The following PLXDC2 variants were observed in gnomAD, a reference collection of about 807,000 sequenced individuals.
PLXDC2 encodes plexin domain containing 2.
A neutral mutation model predicts 68.9 loss-of-function variants in PLXDC2; 40 were observed. That is an observed-to-expected ratio of 0.58 (90% CI 0.45 to 0.76). The LOEUF is 0.76. Ranked by LOEUF, PLXDC2 falls within the 30% of genes least tolerant of loss-of-function variation. The pLI is 0.00. For missense variants in PLXDC2, 644 were observed against 661.9 expected (o/e 0.97, Z 0.30); for synonymous variants, 243 against 234.2 (o/e 1.04, Z -0.34).
chr10:19,922,901 C>A (rs2131382268), intron 1 of PLXDC2, among the ~76,000 whole-genome samples: 1 of 152,242 alleles, frequency 6.6e-6, no homozygotes, highest in Middle Eastern at 3.4e-3. Flanking sequence ...GAAAAAATAA[C>A]TGAACTGTTG....
intron 1 of PLXDC2, among the ~76,000 whole-genome samples, chr10:19,934,268 G>C (rs1395466055): frequency 2.0e-5 from 3 of 152,178 alleles, no homozygotes; most frequent in African/African-American, 4.8e-5. Context: ...TAATGCTCAT[G>C]ACCATTCTTG....
In PLXDC2 at chr10:20,038,143, G is replaced by A. The variant is rs560040374; in HGVS notation, c.325-8726G>A. ...CCCAGCTACTCAGGAGGCTGAGGCA[G>A]GAGAATCGCTTGAACCTGGGAGATG... On this transcript the variant is annotated intron_variant, in intron 2 of 13. Coordinates refer to ENST00000377252, the MANE Select transcript of PLXDC2 (RefSeq NM_032812.9). 1.6e-4 allele frequency among the ~76,000 whole-genome samples: 25 copies of A among 152,160 alleles called. No homozygotes were observed. The South Asian group carries it at 5.2e-3, about 32-fold the overall frequency.
At chr10:20,095,602 A>G (rs1190381208) in intron 4 of PLXDC2, among the ~76,000 whole-genome samples, 1 of 152,124 alleles carries the variant, frequency 6.6e-6, no homozygotes, top group Non-Finnish European at 1.5e-5. Flanking sequence ...TGGATTAAGG[A>G]CTAGTTCGTG....
At chr10:20,258,486 T>C (rs1489204677) in intron 13 of PLXDC2, among the ~76,000 whole-genome samples, 1 of 152,198 alleles carries the variant, frequency 6.6e-6, no homozygotes, top group Non-Finnish European at 1.5e-5. Flanking sequence ...TCACATTTTT[T>C]CCTGAAATTT....
At chr10:20,134,559 C>T (rs1230138737) in intron 4 of PLXDC2, among the ~76,000 whole-genome samples, 2 of 152,104 alleles carry the variant, frequency 1.3e-5, no homozygotes, top group Non-Finnish European at 2.9e-5. Context: ...CCTCGATTAA[C>T]TGGGCAATCC....
At chr10:19,889,546 G>C (rs954423617) in intron 1 of PLXDC2, among the ~76,000 whole-genome samples, 3 of 152,138 alleles carry the variant, frequency 2.0e-5, no homozygotes, top group Non-Finnish European at 4.4e-5. Flanking sequence ...GTGACCACAA[G>C]TATGCTAGGG....
intron 13 of PLXDC2, among the ~76,000 whole-genome samples, chr10:20,253,314 A>G (rs1373954777): frequency 2.0e-5 from 3 of 151,306 alleles, no homozygotes; most frequent in Non-Finnish European, 4.4e-5. Flanking sequence ...GCAGTGAGCC[A>G]AGATCACGCC....
intron 4 of PLXDC2, among the ~76,000 whole-genome samples, chr10:20,107,633 T>C (rs1190239952): frequency 1.3e-5 from 2 of 152,190 alleles, no homozygotes; most frequent in African/African-American, 4.8e-5. Context: ...CCTAAAATTG[T>C]TCTGGGAGAG....
At chr10:20,233,031 AG>A (rs1835385858) in intron 12 of PLXDC2, among the ~76,000 whole-genome samples, 1 of 152,136 alleles carries the variant, frequency 6.6e-6, no homozygotes, top group Non-Finnish European at 1.5e-5. Flanking sequence ...AATAATAAAA[AG>A]CTTATCCTTG....
chr10:20,248,681 A>G (rs78744250), intron 13 of PLXDC2, among the ~76,000 whole-genome samples: 15,009 of 152,164 alleles, frequency 0.099, 820 homozygotes, highest in Middle Eastern at 0.11. Flanking sequence ...TCATAAATTT[A>G]CTATTATTAA....
In PLXDC2 at chr10:20,217,438, A is replaced by G. The variant is rs770317948; in HGVS notation, c.1135A>G (p.Met379Val). 1 of 1,610,694 alleles carries G rather than the reference A, an allele frequency of 6.2e-7. No individual in the cohort carries two copies. The highest frequency in any genetic ancestry group is 8.5e-7 in the Non-Finnish European group (1 of 1,178,336). Reference sequence around the variant, plus strand: ...TTTCTCTTACTAGTCAAAAGAGAAGATGTGTGAGAATACAGAACCAGTGGA... The same window carrying G: ...TTTCTCTTACTAGTCAAAAGAGAAGGTGTGTGAGAATACAGAACCAGTGGA... Reference protein sequence around the residue: ...SGCPEESKEKMCENTEPVETS... With the variant: ...SGCPEESKEKVCENTEPVETS... The change falls in exon 11 of 14, where the codon ATG (methionine) becomes GTG (valine). Residue 379 changes from methionine (M) to valine (V), a missense_variant. Met to Val is a conservative substitution (Grantham distance 21, BLOSUM62 1). Transcript: ENST00000377252.
intron 2 of PLXDC2, among the ~76,000 whole-genome samples, chr10:20,008,033 CT>C (rs1835054856): frequency 6.6e-6 from 1 of 152,204 alleles, no homozygotes; most frequent in Admixed American, 6.5e-5. Flanking sequence ...CAGTTTTTCT[CT>C]TAAATGCATT....
chr10:20,024,744 A>G (rs1358427742), intron 2 of PLXDC2, among the ~76,000 whole-genome samples: 1 of 152,014 alleles, frequency 6.6e-6, no homozygotes, highest in Non-Finnish European at 1.5e-5. Context: ...AGTGGTCCCC[A>G]GTATCTATTT....
chr10:20,086,375 A>G (rs540811955), intron 4 of PLXDC2, among the ~76,000 whole-genome samples: 127 of 145,946 alleles, frequency 8.7e-4, no homozygotes, highest in African/African-American at 3.1e-3. Flanking sequence ...TTTTTTTTGT[A>G]GAGACTGGGT....
At chr10:20,226,602 A>G (rs1835290446) in intron 12 of PLXDC2, among the ~76,000 whole-genome samples, 1 of 152,238 alleles carries the variant, frequency 6.6e-6, no homozygotes, top group Non-Finnish European at 1.5e-5. Context: ...AAGAAAAATC[A>G]CATCAGGATA....
chr10:19,877,850 C>A (rs1240121601), intron 1 of PLXDC2, among the ~76,000 whole-genome samples: 1 of 152,118 alleles, frequency 6.6e-6, no homozygotes, highest in Non-Finnish European at 1.5e-5. Context: ...ATGAGTTTTC[C>A]TTCCCTCTTA....
intron 9 of PLXDC2, among the ~76,000 whole-genome samples, chr10:20,198,407 A>G (rs1014182783): frequency 6.6e-6 from 1 of 152,150 alleles, no homozygotes. Flanking sequence ...ATGACTATAG[A>G]TATAAATTTT....
intron 3 of PLXDC2, among the ~76,000 whole-genome samples, chr10:20,048,137 A>C (rs1835829309): frequency 6.6e-6 from 1 of 152,162 alleles, no homozygotes; most frequent in Non-Finnish European, 1.5e-5. Context: ...TCAATGGCTG[A>C]AGTTATTTAA....
chr10:20,245,646 G>T (rs879565367), intron 13 of PLXDC2, 141 bp downstream of exon 13: 2 of 937,658 alleles, frequency 2.1e-6, no homozygotes, highest in Non-Finnish European at 3.2e-6. Context: ...CATGGATGTT[G>T]TCCCCCATGC....
Sources: gnomAD v4.1 joint callset for allele counts (sites outside exome capture counted in the v4.1 genomes callset) on GRCh38, gnomAD v4.1.1 for gene constraint, MANE v1.5 for transcripts, NCBI Gene and HGNC (gene_info 2026-07-23, HGNC 2026-07-21) for gene names.